RTN4: variants seen among roughly 807,000 people sequenced by gnomAD.
The protein encoded by RTN4 is reticulon-4.
RTN4 carries 32 observed loss-of-function variants against 90.4 expected under a neutral mutation model. The observed-to-expected ratio is 0.35, with a 90% confidence interval of 0.27 to 0.48. The LOEUF (loss-of-function observed/expected upper bound fraction) is 0.48. Ranked by LOEUF, RTN4 falls within the 20% of genes least tolerant of loss-of-function variation. The pLI is 0.99. For synonymous variants in RTN4, 629 were observed against 552.5 expected (o/e 1.14, Z -1.94); for missense variants, 1,706 against 1,430.2 (o/e 1.19, Z -3.11).
rs1278693171 is a variant in RTN4 at position 54,972,823 on chromosome 2, A to G, written c.*333T>C. The G allele has an allele frequency of 4.8e-6, 1 of 209,120 alleles. No homozygotes were observed. Among genetic ancestry groups the G allele is most frequent in the Non-Finnish European group, 9.1e-6 (1 of 109,818 alleles). The allele number at this position is 209,120 out of a possible 1,614,324, so 13.0% of individuals were successfully genotyped here. A position where few individuals can be genotyped will look rare whatever the true frequency, so the allele number is the denominator to read the frequency against. ...TTTTTTTTTTTTTTCTAGCTCCACC[A>G]TCTCTGCAACTTGCCAAGATGCGGC... On this transcript the variant is annotated 3_prime_UTR_variant, in exon 9 of 9. Transcript: ENST00000337526.
rs1558743451 is a variant in RTN4 at position 54,972,575 on chromosome 2, A to G, written c.*581T>C. 2 of 152,702 alleles carry G rather than the reference A, an allele frequency of 1.3e-5. No individual in the cohort carries two copies. The highest frequency in any genetic ancestry group is 4.8e-5 in the African/African-American group (2 of 41,472). 9.5% of individuals were successfully genotyped at this position (152,702 alleles called of 1,614,324 possible). On this transcript the variant is annotated 3_prime_UTR_variant, in exon 9 of 9. Coordinates refer to ENST00000337526, the MANE Select transcript of RTN4 (RefSeq NM_020532.5). ...AAGCACTGTGGGGTGGCTGGAAGGT[A>G]AAGGTCTAAGCTTTGTGAAACACTA...
rs1681840591 is a variant in RTN4 at position 55,026,073 on chromosome 2, C to T, written c.2026G>A (p.Glu676Lys). 1.9e-6 allele frequency: 3 copies of T among 1,610,316 alleles called. No individual in the cohort carries two copies. The highest frequency in any genetic ancestry group is 1.7e-6 in the Non-Finnish European group (2 of 1,179,116). The change falls in exon 3 of 9, where the codon GAA becomes AAA. Residue 676 changes from glutamate to lysine, a missense_variant. Coordinates refer to ENST00000337526, the MANE Select transcript of RTN4 (RefSeq NM_020532.5). ...TTAATATTTTCAGGCTCTTTAATTT[C>T]TTCCTTTATTCCTGATACTTTTTTT... ...SLKKVSGIKEEIKEPENINAA... is the reference protein window; with the variant it reads ...SLKKVSGIKEKIKEPENINAA...
chr2:55,000,444 A>C, intron 3 of RTN4, among the ~76,000 whole-genome samples: 1 of 152,176 alleles, frequency 6.6e-6, no homozygotes, highest in East Asian at 1.9e-4. Context: ...CACCACACCT[A>C]AGAAAATAAC....
chr2:55,126,394 A>T, the RTN4 span, among the ~76,000 whole-genome samples: 1 of 152,154 alleles, frequency 6.6e-6, no homozygotes, highest in Non-Finnish European at 1.5e-5. Context: ...AAAAGAAGAC[A>T]TATATGCAGC....
At chr2:55,097,043 T>C (rs373578092) in intron 1 of RTN4, among the ~76,000 whole-genome samples, 1 of 151,646 alleles carries the variant, frequency 6.6e-6, no homozygotes, top group African/African-American at 2.4e-5. Flanking sequence ...TATACTAAGA[T>C]AGTGATATCT....
chr2:55,056,000 G>GTA (rs1573486634), intron 2 of RTN4, among the ~76,000 whole-genome samples: 1 of 151,448 alleles, frequency 6.6e-6, no homozygotes, highest in African/African-American at 2.4e-5. Context: ...GTGTGTGTGT[G>GTA]TGTGTATATA....
At chr2:55,071,635 T>C (rs1668516064) in intron 2 of RTN4, among the ~76,000 whole-genome samples, 1 of 150,160 alleles carries the variant, frequency 6.7e-6, no homozygotes, top group Non-Finnish European at 1.5e-5. Context: ...CTGCAGGCGA[T>C]CACTGACTTC....
the RTN4 span, among the ~76,000 whole-genome samples, chr2:55,136,033 G>A: frequency 6.6e-6 from 1 of 152,190 alleles, no homozygotes; most frequent in Non-Finnish European, 1.5e-5. Context: ...CCAGCAGGTG[G>A]TTGTTAAACT....
intron 1 of RTN4, among the ~76,000 whole-genome samples, chr2:55,102,814 T>C (rs1270840357): frequency 6.6e-6 from 1 of 152,168 alleles, no homozygotes. Flanking sequence ...AATCTCTTTA[T>C]TAATCTAAGA....
upstream of RTN4, among the ~76,000 whole-genome samples, chr2:55,054,860 G>T (rs1025116996): frequency 5.9e-5 from 9 of 152,128 alleles, no homozygotes; most frequent in African/African-American, 2.2e-4. Flanking sequence ...TCATTTTGCT[G>T]GGATTTTAGA....
intron 1 of RTN4, among the ~76,000 whole-genome samples, chr2:55,034,028 A>G (rs138483879): frequency 2.0e-5 from 3 of 152,326 alleles, no homozygotes; most frequent in African/African-American, 7.2e-5. Context: ...AAAAACACAT[A>G]AAACAAGGTA....
intron 2 of RTN4, among the ~76,000 whole-genome samples, chr2:55,027,809 C>T (rs1038824639): frequency 6.6e-6 from 1 of 152,042 alleles, no homozygotes; most frequent in Non-Finnish European, 1.5e-5. Flanking sequence ...AAAAGAGTTT[C>T]GGTGACAGCA....
chr2:55,034,041 A>G (rs1035889751), intron 1 of RTN4, among the ~76,000 whole-genome samples: 2 of 152,226 alleles, frequency 1.3e-5, no homozygotes, highest in African/African-American at 4.8e-5. Flanking sequence ...ACAAGGTAAT[A>G]TACTGATTGG....
At chr2:55,110,523 G>A (rs867185184) in intron 1 of RTN4, among the ~76,000 whole-genome samples, 2 of 151,952 alleles carry the variant, frequency 1.3e-5, no homozygotes, top group South Asian at 4.2e-4. Flanking sequence ...GCCAATAAAG[G>A]CTCAAAAAAT....
rs748868882 is a variant in RTN4, at chr2:54,987,656, A to T, written c.3056T>A (p.Val1019Glu). Residue 1019 changes from valine to glutamate, a missense_variant, in exon 4 of 9, where the codon GTG (valine) becomes GAG (glutamate). Val to Glu is a moderately radical substitution (Grantham distance 121). Coordinates refer to ENST00000337526, the MANE Select transcript of RTN4 (RefSeq NM_020532.5). ...CAGGAATAGGCTGGCACCAAACACC[A>T]CTCCAGTCTTCTTAATGTCTCTCCA... ...LYWRDIKKTG[V>E]VFGASLFLLL... 6.2e-7 allele frequency: 1 copy of T among 1,614,088 alleles called. No homozygotes were observed. Among genetic ancestry groups the T allele is most frequent in the Non-Finnish European group, 8.5e-7 (1 of 1,179,986 alleles).
the RTN4 span, among the ~76,000 whole-genome samples, chr2:55,120,790 T>C: frequency 3.9e-5 from 6 of 152,024 alleles, no homozygotes; most frequent in African/African-American, 1.4e-4. Flanking sequence ...TGTCAGCAGC[T>C]GTTGGGTGGA....
Position 54,987,587 on chromosome 2 carries a change from T to C in RTN4, c.3125A>G (p.Tyr1042Cys), listed in dbSNP as rs767618780. Residue 1042 changes from tyrosine (Y) to cysteine (C), a missense_variant, in exon 4 of 9, where the codon TAC (tyrosine) becomes TGC (cysteine). Physicochemically the swap from Tyr to Cys is radical, Grantham distance 194. Transcript: ENST00000337526. ...TVFSIVSVTA[Y>C]IALALLSVTI... is the part of the protein sequence containing the mutation. ...CACAGAGAGCAGGGCCAAGGCAATG[T>C]AGGCTGTTACGCTCACAATGCTGAA... 24 of 1,614,210 alleles carry C rather than the reference T, an allele frequency of 1.5e-5. No homozygotes were observed. The highest frequency in any genetic ancestry group is 2.2e-5 in the South Asian group (2 of 91,090).
chr2:55,109,992 T>C (rs896917744), intron 1 of RTN4, among the ~76,000 whole-genome samples: 1 of 151,970 alleles, frequency 6.6e-6, no homozygotes, highest in Admixed American at 6.6e-5. Context: ...GGATGATAAA[T>C]AGTGAAAGGA....
At position 55,098,410 on chromosome 2, in the gene RTN4, GAAT is replaced by G. The variant is rs1180849745; in HGVS notation, c.-214+14107_-214+14109del. ...AATTTAAAACCATTATGTAGTAACA[GAAT>G]AATAATAAACCTCCAAATACCCATC... On this transcript the variant is annotated intron_variant, in intron 1 of 3. Coordinates refer to the RTN4 transcript ENST00000427710. Among the ~76,000 whole-genome samples, 24 of 152,126 alleles carry G rather than the reference GAAT, an allele frequency of 1.6e-4. No individual in the cohort carries two copies. The East Asian group carries it at 4.6e-3, about 29-fold the overall frequency.
Sources: allele counts gnomAD v4.1 joint callset (sites outside exome capture counted in the v4.1 genomes callset), GRCh38; gene constraint gnomAD v4.1.1; transcripts MANE v1.5; gene names NCBI Gene and HGNC (gene_info 2026-07-23, HGNC 2026-07-21).